Variants in RANBP9 observed in about 807,000 individuals in gnomAD.
The protein encoded by RANBP9 is RAN binding protein 9, also known as ran-binding protein 9.
Under a neutral mutation model 84.3 loss-of-function variants are expected in RANBP9, and 15 were observed. The ratio of observed to expected loss-of-function variants is 0.18; its 90% CI spans 0.12 to 0.27. RANBP9 has a LOEUF of 0.27. Ranked by LOEUF, RANBP9 falls within the 10% of genes least tolerant of loss-of-function variation. RANBP9 has a pLI of 1.00. For synonymous variants in RANBP9, 392 were observed against 349.6 expected (o/e 1.12, Z -1.35); for missense variants, 809 against 912.8 (o/e 0.89, Z 1.46).
intron 1 of RANBP9, among the ~76,000 whole-genome samples, chr6:13,702,259 A>G (rs1383359928): frequency 6.6e-6 from 1 of 152,180 alleles, no homozygotes; most frequent in African/African-American, 2.4e-5. Context: ...CCTGGCCAAC[A>G]TGGTGAAATC....
chr6:13,655,043 T>C (rs1765368801), intron 4 of RANBP9, among the ~76,000 whole-genome samples: 1 of 152,268 alleles, frequency 6.6e-6, no homozygotes, highest in African/African-American at 2.4e-5. Flanking sequence ...TATGGTTACC[T>C]GGCATAGGCC....
At chr6:13,689,048 A>G (rs1363109130) in intron 2 of RANBP9, among the ~76,000 whole-genome samples, 2 of 147,174 alleles carry the variant, frequency 1.4e-5, no homozygotes, top group Admixed American at 1.4e-4. Flanking sequence ...GCTACCTGGG[A>G]GGCTAAGCTG....
intron 2 of RANBP9, among the ~76,000 whole-genome samples, chr6:13,672,718 T>C (rs900056704): frequency 3.9e-5 from 6 of 152,102 alleles, no homozygotes; most frequent in Non-Finnish European, 8.8e-5. Context: ...AAGGTAGATT[T>C]TGAATGATCA....
At chr6:13,685,827 A>AG (rs945964983) in intron 2 of RANBP9, among the ~76,000 whole-genome samples, 14 of 151,164 alleles carry the variant, frequency 9.3e-5, no homozygotes, top group Non-Finnish European at 1.3e-4. Flanking sequence ...AATGGGAGGG[A>AG]GGCTGAGGTG....
chr6:13,629,982 T>TG (rs1764734523), intron 12 of RANBP9, among the ~76,000 whole-genome samples: 1 of 151,936 alleles, frequency 6.6e-6, no homozygotes, highest in Admixed American at 6.6e-5. Context: ...TCAAAGTTTA[T>TG]GCAAACCTAA....
At chr6:13,680,506 G>A (rs1422417549) in intron 2 of RANBP9, among the ~76,000 whole-genome samples, 3 of 152,070 alleles carry the variant, frequency 2.0e-5, no homozygotes, top group Admixed American at 6.6e-5. Context: ...GGGAAGCTGA[G>A]GTGGGAAGAT....
intron 10 of RANBP9, among the ~76,000 whole-genome samples, chr6:13,635,051 A>G (rs1764901806): frequency 1.3e-5 from 2 of 152,318 alleles, no homozygotes; most frequent in South Asian, 4.1e-4. Context: ...CTGTTTTTAA[A>G]TAGCATTCTG....
chr6:13,667,424 G>A (rs575566298), intron 2 of RANBP9, among the ~76,000 whole-genome samples: 1 of 152,174 alleles, frequency 6.6e-6, no homozygotes, highest in South Asian at 2.1e-4. Context: ...TCTTGATTAA[G>A]TTAGTATATG....
intron 2 of RANBP9, among the ~76,000 whole-genome samples, chr6:13,677,729 C>A (rs1765928258): frequency 6.6e-6 from 1 of 152,126 alleles, no homozygotes; most frequent in Non-Finnish European, 1.5e-5. Flanking sequence ...ACTTTAACAT[C>A]TTTCAACCAT....
chr6:13,680,485 C>T (rs994379112), intron 2 of RANBP9, among the ~76,000 whole-genome samples: 1 of 152,062 alleles, frequency 6.6e-6, no homozygotes, highest in Non-Finnish European at 1.5e-5. Flanking sequence ...TGCGTGTAAT[C>T]CCAGCACTTT....
intron 4 of RANBP9, among the ~76,000 whole-genome samples, chr6:13,653,258 C>T (rs185475841): frequency 2.0e-5 from 3 of 152,154 alleles, no homozygotes; most frequent in Admixed American, 6.5e-5. Context: ...AACGATTTTG[C>T]ACAGTTTAGA....
chr6:13,643,567 A>G lies in RANBP9; in HGVS notation c.1113-976T>C, dbSNP rs149833165. Among the ~76,000 whole-genome samples, 553 of 152,294 alleles carry G rather than the reference A, an allele frequency of 3.6e-3. 3 individuals are homozygous for G. The highest frequency in any genetic ancestry group is 0.013 in the African/African-American group (523 of 41,552). On this transcript the variant is annotated intron_variant, in intron 6 of 13. Coordinates refer to ENST00000011619, the MANE Select transcript of RANBP9 (RefSeq NM_005493.3). Reference sequence around the variant, plus strand: ...TTTAAGGGGGAGGGGACCTTTTAGAATGGACTTCTCAAGAGTTCATGGTGA... The same window carrying G: ...TTTAAGGGGGAGGGGACCTTTTAGAGTGGACTTCTCAAGAGTTCATGGTGA...
At chr6:13,658,054 A>G (rs982018988) in intron 3 of RANBP9, among the ~76,000 whole-genome samples, 2 of 152,134 alleles carry the variant, frequency 1.3e-5, no homozygotes, top group African/African-American at 2.4e-5. Flanking sequence ...CTTCCTTCTC[A>G]TAAGTGGTAC....
intron 2 of RANBP9, among the ~76,000 whole-genome samples, chr6:13,686,983 C>A (rs1178752212): frequency 2.6e-5 from 4 of 152,134 alleles, no homozygotes; most frequent in Non-Finnish European, 5.9e-5. Flanking sequence ...AATTCTCTGA[C>A]CATTCTTTTA....
intron 1 of RANBP9, among the ~76,000 whole-genome samples, chr6:13,706,568 CTGTATTCTCAGCTATTCA>C (rs759780860): frequency 1.3e-5 from 2 of 151,334 alleles, no homozygotes; most frequent in Non-Finnish European, 2.9e-5. Context: ...TGGCGCATGC[CTGTATTCTCAGCTATTCA>C]GGAGGCTGAG....
chr6:13,691,020 A>G (rs1482522026), intron 2 of RANBP9, among the ~76,000 whole-genome samples: 1 of 152,094 alleles, frequency 6.6e-6, no homozygotes, highest in Non-Finnish European at 1.5e-5. Context: ...TACAAAAATT[A>G]GCTGGGTGCG....
At chr6:13,643,829 T>C (rs1765122119) in intron 6 of RANBP9, among the ~76,000 whole-genome samples, 1 of 152,138 alleles carries the variant, frequency 6.6e-6, no homozygotes, top group Non-Finnish European at 1.5e-5. Context: ...GTAATACAGA[T>C]GATAATAGCT....
intron 5 of RANBP9, among the ~76,000 whole-genome samples, chr6:13,651,208 G>A (rs1765287696): frequency 6.6e-6 from 1 of 151,814 alleles, no homozygotes; most frequent in Non-Finnish European, 1.5e-5. Flanking sequence ...TTTCCCCCTT[G>A]GTGTCACAGA....
intron 2 of RANBP9, among the ~76,000 whole-genome samples, chr6:13,691,199 GATTTA>G (rs906729253): frequency 6.6e-6 from 1 of 150,714 alleles, no homozygotes; most frequent in Non-Finnish European, 1.5e-5. Context: ...TAGATAAAGT[GATTTA>G]ATTTTTCTTG....
Sources: allele counts gnomAD v4.1 joint callset (sites outside exome capture counted in the v4.1 genomes callset), GRCh38; gene constraint gnomAD v4.1.1; transcripts MANE v1.5; gene names NCBI Gene and HGNC (gene_info 2026-07-23, HGNC 2026-07-21).